RNF4: variants seen among roughly 807,000 people sequenced by gnomAD.
RNF4 encodes the protein ring finger protein 4, also known as E3 ubiquitin-protein ligase RNF4.
RNF4 carries 7 observed loss-of-function variants against 24.3 expected under a neutral mutation model. The ratio of observed to expected loss-of-function variants is 0.29; its 90% CI spans 0.16 to 0.54. The LOEUF (loss-of-function observed/expected upper bound fraction) is 0.54, where lower values mean the gene tolerates loss of function less well. Ranked by LOEUF, RNF4 falls within the 20% of genes least tolerant of loss-of-function variation. The pLI is 0.95. For missense variants in RNF4, 209 were observed against 248.5 expected (o/e 0.84, Z 1.07); for synonymous variants, 83 against 84.3 (o/e 0.98, Z 0.09).
chr4:2,494,434 T>C (rs1735674867), intron 2 of RNF4: 1 of 146,840 alleles, frequency 6.8e-6, no homozygotes, highest in Non-Finnish European at 1.5e-5. Flanking sequence ...TGGAGTGCAG[T>C]GGCATGATCT....
At chr4:2,483,077 T>C (rs952126319) in intron 1 of RNF4, among the ~76,000 whole-genome samples, 8 of 152,244 alleles carry the variant, frequency 5.3e-5, no homozygotes, top group Non-Finnish European at 1.0e-4. Flanking sequence ...GCCCTTCTGA[T>C]ATAATACCTA....
At chr4:2,484,973 A>G (rs1735362248) in intron 1 of RNF4, among the ~76,000 whole-genome samples, 2 of 152,246 alleles carry the variant, frequency 1.3e-5, no homozygotes, top group East Asian at 3.9e-4. Context: ...CTGAGGGTGT[A>G]GTCAGTGAGG....
chr4:2,508,054 C>T (rs1212358865), intron 4 of RNF4, among the ~76,000 whole-genome samples: 2 of 152,084 alleles, frequency 1.3e-5, no homozygotes, highest in Non-Finnish European at 1.5e-5. Context: ...CCGTGTTGCC[C>T]AGGATGGTCT....
intron 1 of RNF4, among the ~76,000 whole-genome samples, chr4:2,487,943 C>T (rs1044180160): frequency 5.3e-5 from 8 of 152,188 alleles, no homozygotes; most frequent in Admixed American, 1.3e-4. Context: ...TCAGCTGGGA[C>T]GGCGGTCCCT....
intron 1 of RNF4, among the ~76,000 whole-genome samples, chr4:2,481,529 C>A (rs573992482): frequency 6.6e-6 from 1 of 152,146 alleles, no homozygotes; most frequent in Non-Finnish European, 1.5e-5. Context: ...GCAATACTTG[C>A]AATATTCTTG....
At chr4:2,476,704 CTT>C (rs72435381) in intron 1 of RNF4, among the ~76,000 whole-genome samples, 57 of 136,440 alleles carry the variant, frequency 4.2e-4, no homozygotes, top group Admixed American at 9.0e-4. Context: ...TTCTTTCTTT[CTT>C]TTTTTTTTTT....
intron 3 of RNF4, chr4:2,497,368 G>T (rs1735770431): frequency 1.4e-5 from 4 of 283,704 alleles, no homozygotes; most frequent in East Asian, 6.6e-5. Flanking sequence ...AAATGAGATA[G>T]CCCACCTTTT....
intron 4 of RNF4, among the ~76,000 whole-genome samples, chr4:2,511,288 G>A (rs1464630444): frequency 8.4e-6 from 1 of 118,398 alleles, no homozygotes; most frequent in Admixed American, 8.8e-5. Context: ...AAGGTCCCCA[G>A]GTCTTGCAGT....
chr4:2,482,382 G>A (rs982579718), intron 1 of RNF4, among the ~76,000 whole-genome samples: 9 of 152,318 alleles, frequency 5.9e-5, no homozygotes, highest in South Asian at 2.1e-4. Context: ...AGGTAGCTTG[G>A]CAAGCCTGCC....
intron 3 of RNF4, among the ~76,000 whole-genome samples, 162 bp from the exon 4 acceptor site, chr4:2,500,497 T>A (rs190786778): frequency 1.3e-5 from 2 of 152,346 alleles, no homozygotes; most frequent in East Asian, 3.9e-4. Flanking sequence ...TGGCTTTCCC[T>A]CCTGAGGGAG....
intron 2 of RNF4, among the ~76,000 whole-genome samples, chr4:2,494,348 G>A (rs1735670664): frequency 6.9e-6 from 1 of 145,472 alleles, no homozygotes; most frequent in South Asian, 2.2e-4. Flanking sequence ...TTCTGTATTT[G>A]TCCCAATTGG....
rs554941200 is a variant in RNF4, at chr4:2,472,900, C to A, written c.-158+3642C>A. Among the ~76,000 whole-genome samples, 22 of 151,868 alleles carry A rather than the reference C, an allele frequency of 1.4e-4. No homozygotes were observed. In the South Asian group the frequency reaches 4.4e-3, roughly 30 times the overall value. ...CTAAAAATACAAAAAATTAGCCGGT[C>A]TTGGCAGCGGGCACCTGTAGTCCCA... is the stretch of plus-strand genomic sequence containing the variant. On this transcript the variant is annotated intron_variant, in intron 1 of 7. Transcript: ENST00000314289.
At chr4:2,488,730 G>A (rs1735490433) in intron 1 of RNF4, among the ~76,000 whole-genome samples, 1 of 152,198 alleles carries the variant, frequency 6.6e-6, no homozygotes, top group Admixed American at 6.5e-5. Context: ...CTATAGATAA[G>A]GAAATGGGGC....
chr4:2,500,778 T>C (rs747852420), intron 4 of RNF4, 40 bp downstream of exon 4: 1 of 1,596,072 alleles, frequency 6.3e-7, no homozygotes, highest in Non-Finnish European at 8.6e-7. Flanking sequence ...TTCTTGGGTA[T>C]GGGTCCCTGG....
intron 2 of RNF4, among the ~76,000 whole-genome samples, chr4:2,492,033 C>T (rs1241395870): frequency 6.6e-6 from 1 of 151,830 alleles, no homozygotes; most frequent in East Asian, 1.9e-4. Context: ...CCCGTCTCTA[C>T]TAAAAATACA....
Position 2,512,973 on chromosome 4 carries a change from C to G in RNF4, c.375-110C>G. 2.8e-6 allele frequency: 3 copies of G among 1,068,968 alleles called. No individual in the cohort carries two copies. Among genetic ancestry groups the G allele is most frequent in the Non-Finnish European group, 2.9e-6 (2 of 694,924 alleles). 66.2% of individuals were successfully genotyped at this position (1,068,968 alleles called of 1,614,324 possible). ...TCGGATGCCCGCGCTAAGGCAGAGTCAGGAGGCCAGGGACGGGACTCTTGT... is the reference window on the plus strand; with the variant it reads ...TCGGATGCCCGCGCTAAGGCAGAGTGAGGAGGCCAGGGACGGGACTCTTGT... On this transcript the variant is annotated intron_variant, in intron 6 of 7. Transcript: ENST00000314289. The surrounding 1 kb of genome is among the most constrained non-coding windows in gnomAD (Gnocchi z 4.1).
intron 4 of RNF4, among the ~76,000 whole-genome samples, chr4:2,503,076 G>GTGA (rs1421374229): frequency 2.6e-5 from 4 of 152,056 alleles, no homozygotes; most frequent in African/African-American, 9.7e-5. Context: ...GGGTCTCACT[G>GTGA]TGATGCCCAG....
chr4:2,510,540 T>G (rs1257874259), intron 4 of RNF4, among the ~76,000 whole-genome samples: 1 of 152,200 alleles, frequency 6.6e-6, no homozygotes, highest in East Asian at 1.9e-4. Context: ...CCTCAGCAGC[T>G]CAAATCGGCC....
rs866858427 is a variant in RNF4, at chr4:2,469,174, G to A, written c.-242G>A. Reference sequence around the variant, plus strand: ...GAGCTCTCCTGGGCGGCTGAAGAAGGAGCTTCTTCTCCGGAGTGCGCCGGC... The same window carrying A: ...GAGCTCTCCTGGGCGGCTGAAGAAGAAGCTTCTTCTCCGGAGTGCGCCGGC... On this transcript the variant is annotated 5_prime_UTR_variant, in exon 1 of 8. Coordinates refer to ENST00000314289, the MANE Select transcript of RNF4 (RefSeq NM_002938.5). 1 of 152,230 alleles carries A rather than the reference G, an allele frequency of 6.6e-6. No individual in the cohort carries two copies. The highest frequency in any genetic ancestry group is 1.5e-5 in the Non-Finnish European group (1 of 68,050). 9.4% of individuals were successfully genotyped at this position (152,230 alleles called of 1,614,324 possible). A position where few individuals can be genotyped will look rare whatever the true frequency, so the allele number is the denominator to read the frequency against.
Sources: allele counts gnomAD v4.1 joint callset (sites outside exome capture counted in the v4.1 genomes callset), GRCh38; gene constraint gnomAD v4.1.1; non-coding constraint Gnocchi (gnomAD v3.1); transcripts MANE v1.5; gene names NCBI Gene and HGNC (gene_info 2026-07-23, HGNC 2026-07-21).